SLC4A10: variants seen among roughly 807,000 people sequenced by gnomAD.
SLC4A10 encodes solute carrier family 4 member 10.
In SLC4A10, 42 loss-of-function variants were observed where a neutral mutation model predicts 137.7. The observed-to-expected ratio is 0.30, with a 90% CI of 0.24 to 0.39. The LOEUF is 0.39. Among genes scored for constraint, SLC4A10 ranks in the 10% least tolerant of loss-of-function variants. The probability of loss-of-function intolerance (pLI) is 1.00; values close to 1 mark genes in which losing one functional copy is unlikely to be tolerated. For missense variants in SLC4A10, 925 were observed against 1,355.0 expected, an observed-to-expected ratio of 0.68 and a Z score of 4.98; for synonymous variants, 474 against 464.1, an observed-to-expected ratio of 1.02 and a Z score of -0.27.
chr2:161,773,911 T>C (rs2051990417), intron 2 of SLC4A10, among the ~76,000 whole-genome samples: 1 of 151,808 alleles, frequency 6.6e-6, no homozygotes, highest in African/African-American at 2.4e-5. Flanking sequence ...TTGTAAATCA[T>C]GCGGTCGGTA....
At chr2:161,829,495 G>A (rs1336501135) in intron 3 of SLC4A10, among the ~76,000 whole-genome samples, 1 of 151,990 alleles carries the variant, frequency 6.6e-6, no homozygotes, top group Non-Finnish European at 1.5e-5. Context: ...CCGAGTTAAA[G>A]GACCCTCTTG....
At chr2:161,802,319 T>G (rs1195241940) in intron 2 of SLC4A10, among the ~76,000 whole-genome samples, 1 of 152,084 alleles carries the variant, frequency 6.6e-6, no homozygotes, top group East Asian at 1.9e-4. Flanking sequence ...TTCATGCCAA[T>G]CTCACCTCCA....
chr2:161,693,839 G>C (rs1028080571), intron 1 of SLC4A10, among the ~76,000 whole-genome samples: 1 of 151,636 alleles, frequency 6.6e-6, no homozygotes, highest in African/African-American at 2.4e-5. Flanking sequence ...CCTATTGTCT[G>C]TATATACCAC....
chr2:161,799,440 C>A (rs893435594), intron 2 of SLC4A10, among the ~76,000 whole-genome samples: 2 of 151,808 alleles, frequency 1.3e-5, no homozygotes, highest in Non-Finnish European at 2.9e-5. Context: ...CTGTACTATT[C>A]TTTACAGGAC....
chr2:161,795,206 A>G (rs2054637108), intron 2 of SLC4A10, among the ~76,000 whole-genome samples: 1 of 151,932 alleles, frequency 6.6e-6, no homozygotes, highest in African/African-American at 2.4e-5. Flanking sequence ...TCTGTTTTTG[A>G]CTATTTCAGC....
intron 3 of SLC4A10, among the ~76,000 whole-genome samples, chr2:161,825,873 CTG>C (rs1437498175): frequency 6.6e-6 from 1 of 152,138 alleles, no homozygotes; most frequent in East Asian, 1.9e-4. Context: ...TAGCCAGCCT[CTG>C]TGTGGGTGAA....
intron 1 of SLC4A10, among the ~76,000 whole-genome samples, chr2:161,627,781 C>T (rs1299274621): frequency 6.6e-6 from 1 of 152,064 alleles, no homozygotes; most frequent in Non-Finnish European, 1.5e-5. Flanking sequence ...CAACTGACTG[C>T]TATGTCTGAA....
chr2:161,918,344 C>T (rs1341768876), intron 15 of SLC4A10, among the ~76,000 whole-genome samples: 1 of 152,014 alleles, frequency 6.6e-6, no homozygotes, highest in Admixed American at 6.6e-5. Flanking sequence ...TTAGTAGAGA[C>T]AGGGTTTTAC....
chr2:161,917,192 T>C (rs1215462179), intron 15 of SLC4A10, among the ~76,000 whole-genome samples: 1 of 152,220 alleles, frequency 6.6e-6, no homozygotes, highest in Non-Finnish European at 1.5e-5. Flanking sequence ...TTGTTGCATG[T>C]ATCAATTTAT....
At chr2:161,873,785 C>A in intron 7 of SLC4A10, 131 bp from the exon 8 acceptor site, 1 of 842,840 alleles carries the variant, frequency 1.2e-6, no homozygotes, top group South Asian at 1.7e-5. Context: ...CTCCTTGGAC[C>A]TGTTTCAGAA....
intron 1 of SLC4A10, among the ~76,000 whole-genome samples, chr2:161,648,000 T>C (rs2036290172): frequency 6.6e-6 from 1 of 152,242 alleles, no homozygotes; most frequent in Admixed American, 6.5e-5. Flanking sequence ...TCATGCATTT[T>C]TCAAAATATT....
chr2:161,814,657 A>G (rs2056877679), intron 3 of SLC4A10, among the ~76,000 whole-genome samples: 1 of 152,206 alleles, frequency 6.6e-6, no homozygotes, highest in African/African-American at 2.4e-5. Context: ...TAAGTGAATT[A>G]ATGCAGGAAC....
At chr2:161,734,607 A>G (rs1305627601) in intron 1 of SLC4A10, among the ~76,000 whole-genome samples, 16 of 152,096 alleles carry the variant, frequency 1.1e-4, no homozygotes, top group Non-Finnish European at 2.4e-4. Flanking sequence ...AGTTTTATCT[A>G]TTTTTTATTT....
At chr2:161,783,870 A>T (rs2053332887) in intron 2 of SLC4A10, among the ~76,000 whole-genome samples, 1 of 151,934 alleles carries the variant, frequency 6.6e-6, no homozygotes, top group Non-Finnish European at 1.5e-5. Context: ...AACAGAAAAC[A>T]GTACATGACA....
At chr2:161,909,262 G>C (rs1481468645) in intron 15 of SLC4A10, among the ~76,000 whole-genome samples, 1 of 151,956 alleles carries the variant, frequency 6.6e-6, no homozygotes, top group African/African-American at 2.4e-5. Context: ...TAAAAAAAAA[G>C]AGGAGTGACA....
chr2:161,697,758 C>A (rs2042692542), intron 1 of SLC4A10, among the ~76,000 whole-genome samples: 1 of 152,106 alleles, frequency 6.6e-6, no homozygotes, highest in East Asian at 1.9e-4. Context: ...CAGCTTTGTT[C>A]TTTTGGTTTA....
chr2:161,916,326 CT>C (rs1286806108), intron 15 of SLC4A10, among the ~76,000 whole-genome samples: 5 of 152,174 alleles, frequency 3.3e-5, no homozygotes, highest in Non-Finnish European at 5.9e-5. Flanking sequence ...TGTCTATTCC[CT>C]TTTTCACACA....
chr2:161,810,276 G>T (rs1029311718), intron 3 of SLC4A10, among the ~76,000 whole-genome samples: 9 of 151,936 alleles, frequency 5.9e-5, no homozygotes, highest in Non-Finnish European at 8.8e-5. Context: ...GGAGTCTTTA[G>T]GGTTTTCTAT....
chr2:161,631,388 T>C (rs557951821), intron 1 of SLC4A10, among the ~76,000 whole-genome samples: 3 of 151,866 alleles, frequency 2.0e-5, no homozygotes, highest in Admixed American at 2.0e-4. Context: ...AAAATGCTTA[T>C]ATCAGTTACA....
Sources: allele counts gnomAD v4.1 joint callset (sites outside exome capture counted in the v4.1 genomes callset), GRCh38; gene constraint gnomAD v4.1.1; transcripts MANE v1.5; gene names NCBI Gene and HGNC (gene_info 2026-07-23, HGNC 2026-07-21).